The following RNF135 variants were observed in gnomAD, a reference collection of about 807,000 sequenced individuals.
RNF135 encodes the protein E3 ubiquitin-protein ligase RNF135.
RNF135 carries 46 observed loss-of-function variants against 41.9 expected under a neutral mutation model. The observed-to-expected ratio is 1.10, with a 90% CI of 0.87 to 1.40. RNF135 has a LOEUF of 1.40. RNF135 is among the 40% of genes most tolerant of loss of function. The pLI is 0.00. For missense variants in RNF135, 539 were observed against 549.8 expected, an observed-to-expected ratio of 0.98 and a Z score of 0.20; for synonymous variants, 238 against 223.8, an observed-to-expected ratio of 1.06 and a Z score of -0.57.
At position 30,999,436 on chromosome 17, in the gene RNF135, A is replaced by C; in HGVS notation, c.*245A>C. ...GCCAAGAATACCACTTTTGAAGTTA[A>C]TCCTTTTGTGTGATACAGGATGAAC... On this transcript the variant is annotated 3_prime_UTR_variant, in exon 5 of 5. Transcript: ENST00000328381. 1 of 519,522 alleles carries C rather than the reference A, an allele frequency of 1.9e-6. No individual in the cohort carries two copies. The highest frequency in any genetic ancestry group is 3.5e-6 in the Non-Finnish European group (1 of 286,562). 32.2% of individuals were successfully genotyped at this position (519,522 alleles called of 1,614,324 possible).
chr17:30,992,870 G>A (rs1183650999), intron 3 of RNF135, among the ~76,000 whole-genome samples: 2 of 151,672 alleles, frequency 1.3e-5, no homozygotes, highest in African/African-American at 4.8e-5. Flanking sequence ...TTAAGTTTTA[G>A]TTAGAAAACT....
At position 30,987,997 on chromosome 17, in the gene RNF135, C is replaced by T. The variant is rs148364942; in HGVS notation, c.570C>T (p.Ser190=). ...TGGCTTCTCCAAAGCTGGTGACTTC[C>T]GACACAGCTGCAGGGAAAATCAGAG... ...LSMASPKLVT[S]DTAAGKIRDI... Residue 190 remains serine, a synonymous_variant, in exon 3 of 5, where the codon TCC becomes TCT. Coordinates refer to ENST00000328381, the MANE Select transcript of RNF135 (RefSeq NM_032322.4). The T allele has an allele frequency of 4.9e-5, 79 of 1,613,956 alleles. No individual in the cohort carries two copies. Among genetic ancestry groups the T allele is most frequent in the South Asian group, 2.7e-4 (25 of 91,076 alleles).
At chr17:30,992,209 C>T (rs1476918681) in intron 3 of RNF135, among the ~76,000 whole-genome samples, 2 of 151,982 alleles carry the variant, frequency 1.3e-5, no homozygotes, top group Non-Finnish European at 2.9e-5. Context: ...TGGGATTACA[C>T]AGGAGTAAGC....
the RNF135 span, chr17:30,959,181 G>C: frequency 9.2e-5 from 14 of 152,182 alleles, no homozygotes; most frequent in Non-Finnish European, 1.5e-4. Flanking sequence ...TAAAGGTACA[G>C]TCTTGCCTTC....
At position 30,983,320 on chromosome 17, in the gene RNF135, C is replaced by CATAT. The variant is rs1189144519; in HGVS notation, c.373-1266_373-1263dup. Among the ~76,000 whole-genome samples the CATAT allele has an allele frequency of 1.0e-3, 38 of 37,062 alleles. 1 individual carries two copies. Among genetic ancestry groups the CATAT allele is most frequent in the East Asian group, 3.6e-3 (5 of 1,396 alleles). 24.3% of individuals were successfully genotyped at this position (37,062 alleles called of 152,430 possible). Reference sequence around the variant, plus strand: ...TGGTAATTCTAATTACATATATGTACATATATATATATATATATATATATA... The same window carrying CATAT: ...TGGTAATTCTAATTACATATATGTACATATATATATATATATATATATATATATA... On this transcript the variant is annotated intron_variant, in intron 1 of 4. Transcript: ENST00000328381.
At chr17:30,969,786 A>T, upstream of RNF135, among the ~76,000 whole-genome samples, 1 of 110,742 alleles carries the variant, frequency 9.0e-6, no homozygotes, top group East Asian at 2.6e-4. Context: ...TTTTTTTGAG[A>T]CGGAGTCTCC....
rs889295426 is a variant in RNF135 at position 30,971,164 on chromosome 17, C to T, written c.91C>T (p.Pro31Ser). The T allele has an allele frequency of 2.6e-6, 4 of 1,531,542 alleles. No homozygotes were observed. Among genetic ancestry groups the T allele is most frequent in the African/African-American group, 2.8e-5 (2 of 72,420 alleles). 94.9% of individuals were successfully genotyped at this position (1,531,542 alleles called of 1,614,324 possible). Reference protein sequence around the residue: ...CIICQGLLDWPATLPCGHSFC... With the variant: ...CIICQGLLDWSATLPCGHSFC... The stretch of plus-strand genomic sequence containing the variant: ...CATCTGCCAGGGGCTGCTGGACTGG[C>T]CCGCCACGCTGCCCTGCGGCCACAG... Residue 31 changes from proline to serine, a missense_variant, in exon 1 of 5, where the codon CCC (proline) becomes TCC (serine). Around this residue, in one of 2 missense-constraint regions of RNF135, gnomAD observed 277 missense variants for 212.8 expected, o/e 1.30. Transcript: ENST00000328381.
chr17:30,978,675 T>G (rs1906680848), intron 1 of RNF135: 1 of 144,916 alleles, frequency 6.9e-6, no homozygotes, highest in South Asian at 2.2e-4. Flanking sequence ...GGCAGGGTCA[T>G]AGGACAATAG....
rs1567751704 is a variant in RNF135, at chr17:30,999,241, CATCA to C, written c.*55_*58del. ...GTGGTTTCCTGGTCTCTCTCCCTGT[CATCA>C]ATCAGGGTAGTAACTTGACTTAAGA... On this transcript the variant is annotated 3_prime_UTR_variant, in exon 5 of 5. Coordinates refer to ENST00000328381, the MANE Select transcript of RNF135 (RefSeq NM_032322.4). 1.9e-6 allele frequency: 3 copies of C among 1,573,378 alleles called. No individual in the cohort carries two copies. Among genetic ancestry groups the C allele is most frequent in the Non-Finnish European group, 1.7e-6 (2 of 1,151,812 alleles).
the RNF135 span, among the ~76,000 whole-genome samples, chr17:30,962,224 C>T: frequency 6.6e-6 from 1 of 151,630 alleles, no homozygotes; most frequent in Admixed American, 6.6e-5. Flanking sequence ...CCTCTGACTC[C>T]CTGGTTCAAG....
the RNF135 span, among the ~76,000 whole-genome samples, chr17:30,960,201 G>T: frequency 6.6e-6 from 1 of 151,660 alleles, no homozygotes; most frequent in African/African-American, 2.4e-5. Flanking sequence ...AGACCATCCT[G>T]GCCAACATGG....
At chr17:30,989,779 C>A (rs1425169007) in intron 3 of RNF135, among the ~76,000 whole-genome samples, 2 of 152,056 alleles carry the variant, frequency 1.3e-5, no homozygotes, top group African/African-American at 4.8e-5. Context: ...GCGTGTGGAT[C>A]ACCTGAGGTC....
In RNF135 at chr17:30,971,396, C is replaced by T. The variant is rs531301373; in HGVS notation, c.323C>T (p.Ser108Phe). ...PAHCPCPGSSSLSSAAARPRR... is the reference protein window; with the variant it reads ...PAHCPCPGSSFLSSAAARPRR... ...CACTGCCCCTGCCCGGGCTCCAGTT[C>T]CCTCTCCAGCGCGGCCGCGAGGCCC... is the stretch of plus-strand genomic sequence containing the variant. The change falls in exon 1 of 5, where the codon TCC becomes TTC. Residue 108 changes from serine (S) to phenylalanine (F), a missense_variant. Transcript: ENST00000328381. The T allele has an allele frequency of 4.6e-5, 70 of 1,522,014 alleles. No individual in the cohort carries two copies. The Middle Eastern group carries it at 7.0e-4, about 15-fold the overall frequency. 94.3% of individuals were successfully genotyped at this position (1,522,014 alleles called of 1,614,324 possible).
At chr17:30,983,395 C>T (rs1907362949) in intron 1 of RNF135, among the ~76,000 whole-genome samples, 1 of 124,358 alleles carries the variant, frequency 8.0e-6, no homozygotes, top group Non-Finnish European at 1.6e-5. Flanking sequence ...GCCCTGTCGC[C>T]CAGGCTTGAA....
chr17:30,999,115 C>T lies in RNF135; in HGVS notation c.1223C>T (p.Ser408Phe). ...TATGAGTGTACCATCTCTGCCTCCTCTCCTTTGTACCCTGCCTTCTGGCTG... is the reference window on the plus strand; with the variant it reads ...TATGAGTGTACCATCTCTGCCTCCTTTCCTTTGTACCCTGCCTTCTGGCTG... Reference protein sequence around the residue: ...LLYECTISASSPLYPAFWLYG... With the variant: ...LLYECTISASFPLYPAFWLYG... Residue 408 changes from serine to phenylalanine, a missense_variant, in exon 5 of 5, where the codon TCT becomes TTT. Ser to Phe is a radical substitution (Grantham distance 155). Around this residue, in one of 2 missense-constraint regions of RNF135, gnomAD observed 262 missense variants for 336.9 expected, o/e 0.78. Transcript: ENST00000328381. 6.2e-7 allele frequency: 1 copy of T among 1,614,174 alleles called. No individual in the cohort carries two copies. Among genetic ancestry groups the T allele is most frequent in the South Asian group, 1.1e-5 (1 of 91,090 alleles).
chr17:30,997,112 G>T, intron 3 of RNF135, 130 bp from the exon 4 acceptor site: 1 of 734,600 alleles, frequency 1.4e-6, no homozygotes. Context: ...GCCTGATCCA[G>T]TCCTGACACT....
At chr17:30,985,007 A>G (rs1237273543) in intron 2 of RNF135, among the ~76,000 whole-genome samples, 2 of 152,190 alleles carry the variant, frequency 1.3e-5, no homozygotes, top group African/African-American at 4.8e-5. Context: ...ACCTCTGTGT[A>G]TAACGTTCTG....
At chr17:30,991,548 T>C (rs1598099360) in intron 3 of RNF135, among the ~76,000 whole-genome samples, 1 of 151,004 alleles carries the variant, frequency 6.6e-6, no homozygotes, top group African/African-American at 2.4e-5. Context: ...TCCTGAGTAG[T>C]TGGGATTACA....
At chr17:30,972,283 T>G (rs748668301) in intron 1 of RNF135, 1 of 151,832 alleles carries the variant, frequency 6.6e-6, no homozygotes, top group Non-Finnish European at 1.5e-5. Context: ...TGTTTTTTTC[T>G]TTTTTTAAAA....
Sources: gnomAD v4.1 joint callset for allele counts (sites outside exome capture counted in the v4.1 genomes callset) on GRCh38, gnomAD v4.1.1 for gene constraint, gnomAD v4.1.1 regional missense constraint, MANE v1.5 for transcripts, NCBI Gene and HGNC (gene_info 2026-07-23, HGNC 2026-07-21) for gene names.